NPR1: variants seen among roughly 807,000 people sequenced by gnomAD.
NPR1 encodes natriuretic peptide receptor 1.
NPR1 carries 57 observed loss-of-function variants against 116.9 expected under a neutral mutation model. That is an observed-to-expected ratio of 0.49 (90% CI 0.39 to 0.61). The LOEUF (loss-of-function observed/expected upper bound fraction) is 0.61, where lower values mean the gene tolerates loss of function less well. Among genes scored for constraint, NPR1 ranks in the 20% least tolerant of loss-of-function variants. NPR1 has a pLI of 0.00. For missense variants in NPR1, 1,096 were observed against 1,409.8 expected, an observed-to-expected ratio of 0.78 and a Z score of 3.56; for synonymous variants, 555 against 601.6, an observed-to-expected ratio of 0.92 and a Z score of 1.13.
chr1:153,689,402 C>A lies in NPR1; in HGVS notation c.2689-51C>A, dbSNP rs764287018. 1.2e-6 allele frequency: 2 copies of A among 1,610,174 alleles called. No homozygotes were observed. Among genetic ancestry groups the A allele is most frequent in the Non-Finnish European group, 1.7e-6 (2 of 1,176,374 alleles). Reference sequence around the variant, plus strand: ...CTGGTTCTGCTTTACCCACCTGACCCCAGGTGGGGTCCCCTACTTCCTGTC... The same window carrying A: ...CTGGTTCTGCTTTACCCACCTGACCACAGGTGGGGTCCCCTACTTCCTGTC... On this transcript the variant is annotated intron_variant, in intron 17 of 21. Coordinates refer to ENST00000368680, the MANE Select transcript of NPR1 (RefSeq NM_000906.4). This position sits in a 1 kb window ranked among gnomAD's most constrained non-coding sequence, Gnocchi z 5.1.
Position 153,687,685 on chromosome 1 carries a change from G to A in NPR1, c.2144G>A (p.Arg715Gln), listed in dbSNP as rs764277684. The change falls in exon 14 of 22, where the codon CGG becomes CAG. Residue 715 changes from arginine to glutamine, a missense_variant. By Grantham distance (43) the Arg-to-Gln change is conservative (BLOSUM62 1). Transcript: ENST00000368680. ...ELLRMASPPV[R>Q]GSQAGDVYSF... ...CTGCGAATGGCTTCACCCCCTGTGC[G>A]GGGCTCCCAGGCTGGTGACGTATAC... 3.9e-5 allele frequency: 62 copies of A among 1,606,160 alleles called. No individual in the cohort carries two copies. Among genetic ancestry groups the A allele is most frequent in the Middle Eastern group, 1.7e-4 (1 of 6,036 alleles).
At chr1:153,692,508 ATTTT>A (rs35874998) in intron 20 of NPR1, among the ~76,000 whole-genome samples, 2 of 136,948 alleles carry the variant, frequency 1.5e-5, no homozygotes, top group Non-Finnish European at 1.6e-5. Flanking sequence ...TGAGGCCCTG[ATTTT>A]TTTTTTTTTT....
rs1353734253 is a variant in NPR1 at position 153,680,630 on chromosome 1, A to G, written c.851A>G (p.Gln284Arg). 6.2e-7 allele frequency: 1 copy of G among 1,614,172 alleles called. No individual in the cohort carries two copies. The change falls in exon 2 of 22, where the codon CAG (glutamine) becomes CGG (arginine). Residue 284 changes from glutamine to arginine, a missense_variant. Coordinates refer to ENST00000368680, the MANE Select transcript of NPR1 (RefSeq NM_000906.4). ...TTTGGGCAAAGCCTGCAAGGTGGAC[A>G]GGGCCCTGCTCCCCGCAGGCCCTGG... ...DIFGQSLQGGQGPAPRRPWER... is the reference protein window; with the variant it reads ...DIFGQSLQGGRGPAPRRPWER...
At chr1:153,687,909 C>A in intron 14 of NPR1, 120 bp downstream of exon 14, 2 of 1,199,892 alleles carry the variant, frequency 1.7e-6, no homozygotes, top group Non-Finnish European at 2.4e-6. Context: ...AGTCACCACC[C>A]TTTGACCCAT....
chr1:153,686,649 C>A lies in NPR1; in HGVS notation c.1762C>A (p.Arg588=). ...CTGATGCTGGTCCCACTTGCAGATG[C>A]GGGATGTGCAGAATGAACACCTGAC... is the stretch of plus-strand genomic sequence containing the variant. ...RKVLFELKHM[R]DVQNEHLTRF... Residue 588 remains arginine, a synonymous_variant, in exon 11 of 22, where the codon CGG becomes AGG. Coordinates refer to ENST00000368680, the MANE Select transcript of NPR1 (RefSeq NM_000906.4). 6 of 1,612,714 alleles carry A rather than the reference C, an allele frequency of 3.7e-6. No homozygotes were observed. Among genetic ancestry groups the A allele is most frequent in the Non-Finnish European group, 5.1e-6 (6 of 1,179,282 alleles).
chr1:153,686,137 T>TGTGAAACGTGTGAACC lies in NPR1; in HGVS notation c.1698_1713dup (p.Lys572GlufsTer6). 6.2e-7 allele frequency: 1 copy of TGTGAAACGTGTGAACC among 1,614,060 alleles called. No individual in the cohort carries two copies. ...TCCATGCCCAGGGCAACCTCGTGGC[T>TGTGAAACGTGTGAACC]GTGAAACGTGTGAACCGTAAACGCA... On this transcript the variant is annotated frameshift_variant, in exon 10 of 22. Coordinates refer to ENST00000368680, the MANE Select transcript of NPR1 (RefSeq NM_000906.4). LOFTEE classifies it high-confidence loss of function.
chr1:153,681,799 G>A lies in NPR1; in HGVS notation c.1131G>A (p.Gly377=), dbSNP rs1571345817. Residue 377 remains glycine (G), a synonymous_variant, in exon 4 of 22, where the codon GGG becomes GGA. Transcript: ENST00000368680. ...TLAHGGTVTD[G]ENITQRMWNR... The stretch of plus-strand genomic sequence containing the variant: ...CACATGGGGGAACTGTTACTGATGG[G>A]GAGAACATCACTCAGCGGATGTGGA... 5 of 1,614,052 alleles carry A rather than the reference G, an allele frequency of 3.1e-6. No individual in the cohort carries two copies. The highest frequency in any genetic ancestry group is 4.2e-6 in the Non-Finnish European group (5 of 1,180,008).
chr1:153,688,422 C>T (rs995642642), intron 15 of NPR1, among the ~76,000 whole-genome samples: 5 of 152,182 alleles, frequency 3.3e-5, no homozygotes, highest in African/African-American at 1.2e-4. Context: ...CAGTCCCCTG[C>T]CATTCATGCC....
intron 15 of NPR1, 183 bp from the exon 16 acceptor site, chr1:153,688,770 G>T (rs953292381): frequency 4.5e-6 from 3 of 667,004 alleles, no homozygotes; most frequent in Admixed American, 2.9e-5. Flanking sequence ...TGGGGTCTCA[G>T]AAAAGAATTG....
chr1:153,679,121 C>G lies in NPR1; in HGVS notation c.13C>G (p.Arg5Gly). 7.0e-7 allele frequency: 1 copy of G among 1,433,136 alleles called. No individual in the cohort carries two copies. Among genetic ancestry groups the G allele is most frequent in the Non-Finnish European group, 9.1e-7 (1 of 1,104,622 alleles). The allele number at this position is 1,433,136 out of a possible 1,614,324, so 88.8% of individuals were successfully genotyped here. A position where few individuals can be genotyped will look rare whatever the true frequency, so the allele number is the denominator to read the frequency against. Residue 5 changes from arginine to glycine, a missense_variant, in exon 1 of 22, where the codon CGG becomes GGG. By Grantham distance (125) the Arg-to-Gly change is moderately radical. Coordinates refer to ENST00000368680, the MANE Select transcript of NPR1 (RefSeq NM_000906.4). The surrounding 1 kb of genome is among the most constrained non-coding windows in gnomAD (Gnocchi z 4.2). ...GCCCGCTGAGGCCATGCCGGGGCCC[C>G]GGCGCCCCGCTGGCTCCCGCCTGCG... MPGPRRPAGSRLRLL... is the reference protein window; with the variant it reads MPGPGRPAGSRLRLL...
rs761741776 is a variant in NPR1, at chr1:153,682,449, C to T, written c.1172-49C>T. ...GGATGAAGAGATGAAGTGGGGCACCCCTGAACTTCTATTCTCTCAAACATA... is the reference window on the plus strand; with the variant it reads ...GGATGAAGAGATGAAGTGGGGCACCTCTGAACTTCTATTCTCTCAAACATA... On this transcript the variant is annotated intron_variant, in intron 4 of 21. Coordinates refer to ENST00000368680, the MANE Select transcript of NPR1 (RefSeq NM_000906.4). The T allele has an allele frequency of 7.2e-6, 10 of 1,391,278 alleles. 1 individual carries two copies. The Admixed American group carries it at 1.7e-4, about 23-fold the overall frequency. The allele number at this position is 1,391,278 out of a possible 1,614,324, so 86.2% of individuals were successfully genotyped here. A position where few individuals can be genotyped will look rare whatever the true frequency, so the allele number is the denominator to read the frequency against.
At chr1:153,690,420 G>T (rs550433414) in intron 20 of NPR1, 38 bp downstream of exon 20, 5 of 1,477,312 alleles carry the variant, frequency 3.4e-6, no homozygotes, top group African/African-American at 1.4e-5. Flanking sequence ...GGGAGGGCAG[G>T]GTGGCTGAGG....
At position 153,689,395 on chromosome 1, in the gene NPR1, C is replaced by T. The variant is rs1190188851; in HGVS notation, c.2689-58C>T. 4.3e-6 allele frequency: 7 copies of T among 1,613,332 alleles called. No homozygotes were observed. The highest frequency in any genetic ancestry group is 5.9e-6 in the Non-Finnish European group (7 of 1,179,390). ...CTGCCTTCTGGTTCTGCTTTACCCA[C>T]CTGACCCCAGGTGGGGTCCCCTACT... On this transcript the variant is annotated intron_variant, in intron 17 of 21. Coordinates refer to ENST00000368680, the MANE Select transcript of NPR1 (RefSeq NM_000906.4). The surrounding 1 kb of genome is among the most constrained non-coding windows in gnomAD (Gnocchi z 5.1).
rs111727143 is a variant in NPR1 at position 153,680,489 on chromosome 1, G to C, written c.722-12G>C. 27 of 1,613,534 alleles carry C rather than the reference G, an allele frequency of 1.7e-5. No individual in the cohort carries two copies. Among genetic ancestry groups the C allele is most frequent in the African/African-American group, 4.0e-5 (3 of 74,822 alleles). On this transcript the variant is annotated splice_polypyrimidine_tract_variant and intron_variant, in intron 1 of 21. Coordinates refer to ENST00000368680, the MANE Select transcript of NPR1 (RefSeq NM_000906.4). ...CCTAGGCTTCTCTCTCTGACTCTCCGTCTTTCTCCAGTTATCTACATCTGC... is the reference window on the plus strand; with the variant it reads ...CCTAGGCTTCTCTCTCTGACTCTCCCTCTTTCTCCAGTTATCTACATCTGC...
Position 153,687,208 on chromosome 1 carries a change from G to A in NPR1, c.1944G>A (p.Leu648=), listed in dbSNP as rs143447413. The change falls in exon 13 of 22, where the codon CTG becomes CTA. Residue 648 remains leucine, a synonymous_variant. Transcript: ENST00000368680. Reference sequence around the variant, plus strand: ...CCCACTCACATTTCCAGGGCATGCTGTTTCTACACAATGGGGCTATCTGTT... The same window carrying A: ...CCCACTCACATTTCCAGGGCATGCTATTTCTACACAATGGGGCTATCTGTT... ...SLTNDIVKGM[L]FLHNGAICSH... is the part of the protein sequence containing the mutation. 6.2e-7 allele frequency: 1 copy of A among 1,614,118 alleles called. No individual in the cohort carries two copies. Among genetic ancestry groups the A allele is most frequent in the South Asian group, 1.1e-5 (1 of 91,092 alleles).
chr1:153,692,508 ATTTTTT>A (rs35874998), intron 20 of NPR1, among the ~76,000 whole-genome samples: 1 of 136,954 alleles, frequency 7.3e-6, no homozygotes, highest in Non-Finnish European at 1.6e-5. Context: ...TGAGGCCCTG[ATTTTTT>A]TTTTTTTTTT....
chr1:153,683,470 C>G lies in NPR1; in HGVS notation c.1358C>G (p.Pro453Arg). The change falls in exon 6 of 22, where the codon CCC (proline) becomes CGC (arginine). Residue 453 changes from proline (P) to arginine (R), a missense_variant. By Grantham distance (103) the Pro-to-Arg change is moderately radical (BLOSUM62 -2). Coordinates refer to ENST00000368680, the MANE Select transcript of NPR1 (RefSeq NM_000906.4). ...CTGGGGTACCCTCCTCCTGACATCC[C>G]CAAATGTGGCTTTGACAACGAAGAC... ...WPLGYPPPDIPKCGFDNEDPA... is the reference protein window; with the variant it reads ...WPLGYPPPDIRKCGFDNEDPA... The G allele has an allele frequency of 3.1e-6, 5 of 1,614,184 alleles. No individual in the cohort carries two copies. Among genetic ancestry groups the G allele is most frequent in the Non-Finnish European group, 4.2e-6 (5 of 1,180,034 alleles).
At position 153,679,980 on chromosome 1, in the gene NPR1, CA is replaced by C. The variant is rs1669716783; in HGVS notation, c.721+152del. Reference sequence around the variant, plus strand: ...ACTTTCAGCTCCCTGGCCCTTTCTACAGCTGAGTTTCTATTTCCCTCTCTTC... The same window carrying C: ...ACTTTCAGCTCCCTGGCCCTTTCTACGCTGAGTTTCTATTTCCCTCTCTTC... On this transcript the variant is annotated intron_variant, in intron 1 of 21. Coordinates refer to ENST00000368680, the MANE Select transcript of NPR1 (RefSeq NM_000906.4). The surrounding 1 kb of genome is among the most constrained non-coding windows in gnomAD (Gnocchi z 4.2). 9.0e-7 allele frequency: 1 copy of C among 1,106,850 alleles called. No homozygotes were observed. Among genetic ancestry groups the C allele is most frequent in the Admixed American group, 2.9e-5 (1 of 34,616 alleles). The allele number at this position is 1,106,850 out of a possible 1,614,324, so 68.6% of individuals were successfully genotyped here. A position where few individuals can be genotyped will look rare whatever the true frequency, so the allele number is the denominator to read the frequency against.
Position 153,683,833 on chromosome 1 carries a change from T to C in NPR1, c.1484+9T>C. On this transcript the variant is annotated intron_variant, in intron 7 of 21. Coordinates refer to ENST00000368680, the MANE Select transcript of NPR1 (RefSeq NM_000906.4). ...TCCTTCTTCATATACAGGTGAGCTGTGATGTGGGGGGTTGAGTGAGGCTGG... is the reference window on the plus strand; with the variant it reads ...TCCTTCTTCATATACAGGTGAGCTGCGATGTGGGGGGTTGAGTGAGGCTGG... The C allele has an allele frequency of 1.9e-6, 3 of 1,611,610 alleles. No individual in the cohort carries two copies. The highest frequency in any genetic ancestry group is 2.5e-6 in the Non-Finnish European group (3 of 1,179,122).
Sources: gnomAD v4.1 joint callset for allele counts (sites outside exome capture counted in the v4.1 genomes callset) on GRCh38, gnomAD v4.1.1 for gene constraint, Gnocchi (gnomAD v3.1) non-coding constraint, MANE v1.5 for transcripts, NCBI Gene and HGNC (gene_info 2026-07-23, HGNC 2026-07-21) for gene names.